The following NKAIN3 variants were observed in gnomAD, a reference collection of about 807,000 sequenced individuals.
NKAIN3 encodes the protein sodium/potassium transporting ATPase interacting 3.
A neutral mutation model predicts 30.2 loss-of-function variants in NKAIN3; 25 were observed. The observed-to-expected ratio is 0.83, with a 90% CI of 0.60 to 1.16. The LOEUF (loss-of-function observed/expected upper bound fraction) is 1.16, where lower values mean the gene tolerates loss of function less well. NKAIN3 is among the 50% of genes most tolerant of loss of function. NKAIN3 has a pLI of 0.00. For synonymous variants in NKAIN3, 91 were observed against 89.6 expected (o/e 1.02, Z -0.09); for missense variants, 225 against 254.1 (o/e 0.89, Z 0.78).
chr8:62,962,766 C>G (rs756540636), intron 6 of NKAIN3, among the ~76,000 whole-genome samples: 2 of 152,174 alleles, frequency 1.3e-5, no homozygotes, highest in Non-Finnish European at 2.9e-5. Flanking sequence ...TTTAAATACT[C>G]TAGCCAAAAA....
chr8:62,912,009 C>T lies in NKAIN3; in HGVS notation c.472-6444C>T, dbSNP rs188675593. On this transcript the variant is annotated intron_variant, in intron 4 of 6. Coordinates refer to ENST00000623646, the MANE Select transcript of NKAIN3 (RefSeq NM_001304533.3). ...CTACAGGGATACATTCTGAGAAATG[C>T]GGCCTTAGGCGATTTCATCATTGTG... 6.6e-4 allele frequency among the ~76,000 whole-genome samples: 101 copies of T among 152,228 alleles called. 1 individual carries two copies. Among genetic ancestry groups the T allele is most frequent in the African/African-American group, 3.1e-4 (13 of 41,564 alleles).
At chr8:62,560,911 G>A (rs1585947821) in intron 1 of NKAIN3, among the ~76,000 whole-genome samples, 1 of 151,956 alleles carries the variant, frequency 6.6e-6, no homozygotes, top group African/African-American at 2.4e-5. Context: ...ATATTTTCAA[G>A]TTCTACAATT....
intron 1 of NKAIN3, among the ~76,000 whole-genome samples, chr8:62,502,356 T>A (rs1030819933): frequency 2.0e-5 from 3 of 152,276 alleles, no homozygotes; most frequent in African/African-American, 7.2e-5. Flanking sequence ...CTTCTAACAG[T>A]ACCTACTAAT....
In NKAIN3 at chr8:62,281,888, A is replaced by G. The variant is rs184711361; in HGVS notation, c.54+32761A>G. On this transcript the variant is annotated intron_variant, in intron 1 of 6. Transcript: ENST00000623646. ...CATTTTATGAGTTCTGATGACAAAT[A>G]TCACAGGAAGGACAAAAACAATTTT... Among the ~76,000 whole-genome samples the G allele has an allele frequency of 1.2e-4, 18 of 152,308 alleles. No homozygotes were observed. The East Asian group carries it at 3.1e-3, about 26-fold the overall frequency.
At chr8:62,894,489 GT>G (rs1821377746) in intron 4 of NKAIN3, among the ~76,000 whole-genome samples, 1 of 151,990 alleles carries the variant, frequency 6.6e-6, no homozygotes, top group Non-Finnish European at 1.5e-5. Context: ...ATTTGTGTTT[GT>G]TTGTTGATAT....
At chr8:62,631,448 G>C (rs374307785) in intron 3 of NKAIN3, among the ~76,000 whole-genome samples, 1 of 152,086 alleles carries the variant, frequency 6.6e-6, no homozygotes, top group East Asian at 1.9e-4. Flanking sequence ...ACAATGTCCT[G>C]ATGTCAGAAT....
chr8:62,822,162 G>A (rs1050879890), intron 4 of NKAIN3, among the ~76,000 whole-genome samples: 22 of 152,076 alleles, frequency 1.4e-4, no homozygotes, highest in Non-Finnish European at 2.8e-4. Flanking sequence ...AAAAGGAAAA[G>A]GCACCAACTG....
chr8:62,645,965 T>C (rs1427251715), intron 3 of NKAIN3, among the ~76,000 whole-genome samples: 1 of 152,108 alleles, frequency 6.6e-6, no homozygotes, highest in Non-Finnish European at 1.5e-5. Flanking sequence ...ATAATACTGC[T>C]CTCAAAATGT....
chr8:62,364,662 ACCCCAT>A (rs1384746220), intron 1 of NKAIN3, among the ~76,000 whole-genome samples: 1 of 151,712 alleles, frequency 6.6e-6, no homozygotes, highest in African/African-American at 2.4e-5. Flanking sequence ...ACACCGTGAC[ACCCCAT>A]CTCTACTAAA....
At chr8:62,872,034 G>C (rs1328414168) in intron 4 of NKAIN3, among the ~76,000 whole-genome samples, 1 of 152,178 alleles carries the variant, frequency 6.6e-6, no homozygotes, top group African/African-American at 2.4e-5. Context: ...ACTTTTCTAT[G>C]TTTAGATAAG....
At chr8:62,775,888 G>T (rs1817177765) in intron 4 of NKAIN3, among the ~76,000 whole-genome samples, 1 of 152,000 alleles carries the variant, frequency 6.6e-6, no homozygotes. Context: ...TGAAAGTGGG[G>T]TGTTTAATTA....
chr8:62,330,627 A>G (rs1815313148), intron 1 of NKAIN3, among the ~76,000 whole-genome samples: 1 of 152,032 alleles, frequency 6.6e-6, no homozygotes, highest in Admixed American at 6.6e-5. Flanking sequence ...CAACCTGGAC[A>G]TGACTGGAAA....
chr8:62,331,064 T>C (rs1563936650), intron 1 of NKAIN3, among the ~76,000 whole-genome samples: 1 of 65,746 alleles, frequency 1.5e-5, no homozygotes, highest in East Asian at 3.0e-4. Context: ...CTCCTCCTCC[T>C]CTCTCTCTCT....
At chr8:62,524,022 A>T (rs1027825504) in intron 1 of NKAIN3, among the ~76,000 whole-genome samples, 1 of 152,114 alleles carries the variant, frequency 6.6e-6, no homozygotes, top group Non-Finnish European at 1.5e-5. Flanking sequence ...GTCCTCAAGG[A>T]TGATGATGAT....
chr8:62,676,729 TTTGAGAAAGGGTC>T (rs1813490066), intron 3 of NKAIN3, among the ~76,000 whole-genome samples: 2 of 152,016 alleles, frequency 1.3e-5, no homozygotes, highest in African/African-American at 4.8e-5. Flanking sequence ...TTTTTTTTTT[TTTGAGAAAGGGTC>T]TTGCTCTGTC....
chr8:62,795,821 C>A (rs1336207735), intron 4 of NKAIN3, among the ~76,000 whole-genome samples: 1 of 152,080 alleles, frequency 6.6e-6, no homozygotes, highest in African/African-American at 2.4e-5. Flanking sequence ...TTAACTGTAT[C>A]AGCTAGTCAT....
chr8:62,557,135 C>A (rs1439900651), intron 1 of NKAIN3, among the ~76,000 whole-genome samples: 4 of 152,026 alleles, frequency 2.6e-5, no homozygotes, highest in Non-Finnish European at 5.9e-5. Context: ...GCTTAGCTCC[C>A]ACTTATGAGT....
chr8:62,500,461 GAAAGAAAGAAA>G (rs1807399123), intron 1 of NKAIN3, among the ~76,000 whole-genome samples: 5 of 123,602 alleles, frequency 4.0e-5, no homozygotes, highest in African/African-American at 1.7e-4. Flanking sequence ...AAGAAAGAAA[GAAAGAAAGAAA>G]GAAAGAAAGA....
chr8:62,636,662 A>C (rs1005301686), intron 3 of NKAIN3, among the ~76,000 whole-genome samples: 2 of 152,224 alleles, frequency 1.3e-5, no homozygotes, highest in Non-Finnish European at 2.9e-5. Context: ...TTTAGTGGGC[A>C]TACTTTCATT....
Sources: allele counts gnomAD v4.1 joint callset (sites outside exome capture counted in the v4.1 genomes callset), GRCh38; gene constraint gnomAD v4.1.1; transcripts MANE v1.5; gene names NCBI Gene and HGNC (gene_info 2026-07-23, HGNC 2026-07-21).